COMMD1: variants seen among roughly 807,000 people sequenced by gnomAD.
The protein encoded by COMMD1 is COMM domain-containing protein 1.
A neutral mutation model predicts 17.2 loss-of-function variants in COMMD1; 10 were observed. That is an observed-to-expected ratio of 0.58 (90% CI 0.36 to 0.99). The LOEUF is 0.99. Among genes scored for constraint, COMMD1 ranks in the 50% least tolerant of loss-of-function variants. The probability of loss-of-function intolerance (pLI) is 0.01; values close to 1 mark genes in which losing one functional copy is unlikely to be tolerated. For missense variants in COMMD1, 270 were observed against 231.8 expected (o/e 1.17, Z -1.07); for synonymous variants, 97 against 91.6 (o/e 1.06, Z -0.34).
chr2:62,063,480 G>C (rs1296534383), intron 2 of COMMD1, among the ~76,000 whole-genome samples: 1 of 152,072 alleles, frequency 6.6e-6, no homozygotes, highest in Admixed American at 6.6e-5. Flanking sequence ...GTGAGCCACC[G>C]CACCTGGCTT....
intron 1 of COMMD1, among the ~76,000 whole-genome samples, chr2:61,991,659 C>A (rs1322175589): frequency 6.6e-6 from 1 of 152,132 alleles, no homozygotes; most frequent in Non-Finnish European, 1.5e-5. Context: ...AGAAATTAAT[C>A]TGTTGAAGGT....
chr2:61,931,526 G>A (rs1670467953), intron 1 of COMMD1, among the ~76,000 whole-genome samples: 1 of 152,230 alleles, frequency 6.6e-6, no homozygotes, highest in South Asian at 2.1e-4. Flanking sequence ...CTCTAAAGGT[G>A]TCTTGGACTA....
At chr2:62,018,497 A>G (rs1669514850) in intron 2 of COMMD1, among the ~76,000 whole-genome samples, 1 of 152,244 alleles carries the variant, frequency 6.6e-6, no homozygotes, top group Non-Finnish European at 1.5e-5. Context: ...GCTAAATTGC[A>G]CTTACTTATC....
At chr2:61,937,412 T>G (rs1398227517) in intron 1 of COMMD1, among the ~76,000 whole-genome samples, 1 of 152,200 alleles carries the variant, frequency 6.6e-6, no homozygotes, top group Non-Finnish European at 1.5e-5. Flanking sequence ...CCCATAGTAT[T>G]GTTGGGATGG....
At chr2:62,061,874 CA>C (rs1400428708) in intron 2 of COMMD1, among the ~76,000 whole-genome samples, 1 of 151,430 alleles carries the variant, frequency 6.6e-6, no homozygotes, top group Non-Finnish European at 1.5e-5. Flanking sequence ...CTTAGTTTGT[CA>C]GTCTATTAAT....
intron 1 of COMMD1, among the ~76,000 whole-genome samples, chr2:61,961,902 CTTGT>C (rs1419749975): frequency 4.6e-5 from 7 of 151,802 alleles, no homozygotes; most frequent in Admixed American, 3.9e-4. Context: ...TAGGTGGTCT[CTTGT>C]TTATTTCTGA....
rs11310507 is a variant in COMMD1 at position 62,002,491 on chromosome 2, G to GAAAAAAA, written c.462+1536_462+1542dup. ...GGGTGACAAGAGCGAGATTCCACCA[G>GAAAAAAA]AAAAAAAAAAAAAAAAAAAAAAAAA... is the stretch of plus-strand genomic sequence containing the variant. On this transcript the variant is annotated intron_variant, in intron 2 of 2. Coordinates refer to ENST00000311832, the MANE Select transcript of COMMD1 (RefSeq NM_152516.4). 4.0e-4 allele frequency among the ~76,000 whole-genome samples: 14 copies of GAAAAAAA among 35,072 alleles called. 1 individual carries two copies. Among genetic ancestry groups the GAAAAAAA allele is most frequent in the Middle Eastern group, 0.042 (1 of 24 alleles). The allele number at this position is 35,072 out of a possible 152,430, so 23.0% of individuals were successfully genotyped here.
intron 2 of COMMD1, among the ~76,000 whole-genome samples, chr2:62,050,909 C>G (rs913162083): frequency 1.3e-5 from 2 of 152,060 alleles, no homozygotes; most frequent in African/African-American, 4.8e-5. Context: ...ACAAACAGAA[C>G]CCCTTTTCTT....
At chr2:61,940,889 C>T (rs368592443) in intron 1 of COMMD1, among the ~76,000 whole-genome samples, 25 of 151,720 alleles carry the variant, frequency 1.6e-4, no homozygotes, top group Admixed American at 1.4e-3. Context: ...GGGGTTTCAC[C>T]GTGTTAGCCA....
chr2:62,103,309 G>T (rs530160552), intron 2 of COMMD1, among the ~76,000 whole-genome samples: 1 of 152,292 alleles, frequency 6.6e-6, no homozygotes, highest in Non-Finnish European at 1.5e-5. Context: ...TCCATAGTTT[G>T]TTGAACCTAC....
chr2:61,926,582 T>A (rs7583942), intron 1 of COMMD1, among the ~76,000 whole-genome samples: 1 of 152,040 alleles, frequency 6.6e-6, no homozygotes, highest in African/African-American at 2.4e-5. Context: ...TATAATATCA[T>A]AACCCCATGT....
At chr2:61,989,466 T>A (rs1385078833) in intron 1 of COMMD1, among the ~76,000 whole-genome samples, 3 of 151,066 alleles carry the variant, frequency 2.0e-5, no homozygotes, top group African/African-American at 7.3e-5. Context: ...AATATTGATT[T>A]TTTTTTTTTT....
At chr2:61,935,336 G>A (rs186007475) in intron 1 of COMMD1, among the ~76,000 whole-genome samples, 5 of 152,294 alleles carry the variant, frequency 3.3e-5, no homozygotes, top group East Asian at 1.9e-4. Flanking sequence ...CTATTGAAAC[G>A]TAAAATTTCT....
chr2:61,899,793 TC>T (rs1483793494), intron 1 of COMMD1, among the ~76,000 whole-genome samples: 1 of 152,140 alleles, frequency 6.6e-6, no homozygotes, highest in African/African-American at 2.4e-5. Context: ...TGCCTCAGCC[TC>T]CTGCATAGTT....
At chr2:61,924,652 C>T (rs939505287) in intron 1 of COMMD1, among the ~76,000 whole-genome samples, 1 of 152,158 alleles carries the variant, frequency 6.6e-6, no homozygotes, top group African/African-American at 2.4e-5. Context: ...CATAAGGAAT[C>T]TCAGACCATT....
At chr2:61,976,952 C>T (rs770409531) in intron 1 of COMMD1, among the ~76,000 whole-genome samples, 14 of 151,834 alleles carry the variant, frequency 9.2e-5, no homozygotes, top group Non-Finnish European at 1.8e-4. Context: ...CCTCAGCCTC[C>T]GGAGTAGCTG....
intron 1 of COMMD1, among the ~76,000 whole-genome samples, chr2:61,984,557 G>T (rs1368606871): frequency 6.6e-6 from 1 of 152,124 alleles, no homozygotes; most frequent in East Asian, 1.9e-4. Flanking sequence ...ATATTTTTTA[G>T]ACTTGGCTTG....
chr2:61,962,882 C>T (rs1039747511), intron 1 of COMMD1, among the ~76,000 whole-genome samples: 4 of 151,954 alleles, frequency 2.6e-5, no homozygotes, highest in South Asian at 2.1e-4. Context: ...ATAATTGGGC[C>T]GGGTGTGGTA....
At chr2:61,922,703 CA>C (rs1473840939) in intron 1 of COMMD1, among the ~76,000 whole-genome samples, 29 of 152,150 alleles carry the variant, frequency 1.9e-4, no homozygotes, top group African/African-American at 6.5e-4. Flanking sequence ...TTGATTAAAA[CA>C]GACAAATGTG....
Sources: allele counts gnomAD v4.1 joint callset (sites outside exome capture counted in the v4.1 genomes callset), GRCh38; gene constraint gnomAD v4.1.1; transcripts MANE v1.5; gene names NCBI Gene and HGNC (gene_info 2026-07-23, HGNC 2026-07-21).